Variants in NCAPD3 observed in about 807,000 individuals in gnomAD.
NCAPD3 encodes condensin-2 complex subunit D3.
A neutral mutation model predicts 182.9 loss-of-function variants in NCAPD3; 105 were observed. That is an observed-to-expected ratio of 0.57 (90% CI 0.49 to 0.68). The LOEUF (loss-of-function observed/expected upper bound fraction) is 0.68. Ranked by LOEUF, NCAPD3 falls within the 30% of genes least tolerant of loss-of-function variation. The probability of loss-of-function intolerance (pLI) is 0.00; values close to 1 mark genes in which losing one functional copy is unlikely to be tolerated. For synonymous variants in NCAPD3, 815 were observed against 679.9 expected, an observed-to-expected ratio of 1.20 and a Z score of -3.09; for missense variants, 1,944 against 1,837.0, an observed-to-expected ratio of 1.06 and a Z score of -1.07.
intron 23 of NCAPD3, among the ~76,000 whole-genome samples, chr11:134,176,716 C>T (rs1382950744): frequency 6.6e-6 from 1 of 152,196 alleles, no homozygotes; most frequent in Non-Finnish European, 1.5e-5. Flanking sequence ...GTGTTCTCCC[C>T]ATTATAGGCC....
At chr11:134,174,924 A>C (rs1183960709) in intron 24 of NCAPD3, among the ~76,000 whole-genome samples, 1 of 152,262 alleles carries the variant, frequency 6.6e-6, no homozygotes, top group African/African-American at 2.4e-5. Context: ...AATTACAGTT[A>C]GCAAATGTAG....
chr11:134,168,922 T>C lies in NCAPD3; in HGVS notation c.3234A>G (p.Ser1078=), dbSNP rs144599754. 6.4e-5 allele frequency: 103 copies of C among 1,612,978 alleles called. No individual in the cohort carries two copies. The highest frequency in any genetic ancestry group is 8.6e-5 in the Non-Finnish European group (101 of 1,179,450). ...GACTTAGCTGCTTCACTGACCTCTC[T>C]GACTGGGGGAACTTGTTGTACTTCT... ...KHEKYNKFPQ[S]EREKRLFSLK... is the part of the protein sequence containing the mutation. The change falls in exon 25 of 35, where the codon TCA becomes TCG. Residue 1078 remains serine, a synonymous_variant. Coordinates refer to ENST00000534548, the MANE Select transcript of NCAPD3 (RefSeq NM_015261.3).
At chr11:134,166,153 T>C (rs1443986675) in intron 27 of NCAPD3, among the ~76,000 whole-genome samples, 3 of 2,000 alleles carry the variant, frequency 1.5e-3, no homozygotes, top group Non-Finnish European at 1.3e-3. Context: ...ACTAGTGAGA[T>C]GAGCTTGGGG....
chr11:134,159,183 C>T (rs943263328), intron 29 of NCAPD3, among the ~76,000 whole-genome samples: 9 of 152,208 alleles, frequency 5.9e-5, no homozygotes, highest in African/African-American at 1.4e-4. Flanking sequence ...CAGTCAGCAG[C>T]GAGGCTGCTG....
In NCAPD3 at chr11:134,204,101, C is replaced by A; in HGVS notation, c.1160G>T (p.Cys387Phe). The A allele has an allele frequency of 6.2e-7, 1 of 1,614,102 alleles. No homozygotes were observed. Among genetic ancestry groups the A allele is most frequent in the Non-Finnish European group, 8.5e-7 (1 of 1,180,014 alleles). ...GGCAATGAACATAGCGTATTCCCCA[C>A]AAGGAAGTTTACTGAGCAGCTGGAC... The part of the protein sequence containing the change: ...SLVQLLSKLP[C>F]GEYAMFIAWL... Residue 387 changes from cysteine (C) to phenylalanine (F), a missense_variant, in exon 10 of 35, where the codon TGT becomes TTT. By Grantham distance (205) the Cys-to-Phe change is radical (BLOSUM62 -2). Coordinates refer to ENST00000534548, the MANE Select transcript of NCAPD3 (RefSeq NM_015261.3). The surrounding 1 kb of genome is among the most constrained non-coding windows in gnomAD (Gnocchi z 4.3).
intron 31 of NCAPD3, 35 bp from the exon 32 acceptor site, chr11:134,157,130 C>A (rs1943443782): frequency 6.5e-7 from 1 of 1,535,226 alleles, no homozygotes; most frequent in Admixed American, 1.8e-5. Flanking sequence ...CCAGAAATAC[C>A]CCCAAACAAT....
rs1289567537 is a variant in NCAPD3 at position 134,168,957 on chromosome 11, C to T, written c.3199G>A (p.Glu1067Lys). 6.2e-7 allele frequency: 1 copy of T among 1,613,970 alleles called. No homozygotes were observed. Among genetic ancestry groups the T allele is most frequent in the Non-Finnish European group, 8.5e-7 (1 of 1,179,936 alleles). Reference sequence around the variant, plus strand: ...AACTTGTTGTACTTCTCATGCTTCTCATAGTTATTAAAGTGAAAAATACAT... The same window carrying T: ...AACTTGTTGTACTTCTCATGCTTCTTATAGTTATTAAAGTGAAAAATACAT... ...IECIFHFNNY[E>K]KHEKYNKFPQ... Residue 1067 changes from glutamate to lysine, a missense_variant, in exon 25 of 35, where the codon GAG becomes AAG. By Grantham distance (56) the Glu-to-Lys change is moderately conservative. Around this residue, in one of 3 missense-constraint regions of NCAPD3, gnomAD observed 1,803 missense variants for 1,674.6 expected, o/e 1.08. Transcript: ENST00000534548.
intron 30 of NCAPD3, 81 bp downstream of exon 30, chr11:134,158,248 C>G: frequency 1.3e-6 from 2 of 1,568,454 alleles, no homozygotes. Context: ...CTTTCCTGCC[C>G]ACGCTTGGGA....
intron 16 of NCAPD3, among the ~76,000 whole-genome samples, chr11:134,186,912 C>T (rs537891360): frequency 6.6e-6 from 1 of 152,174 alleles, no homozygotes; most frequent in African/African-American, 2.4e-5. Flanking sequence ...GATTTATGTC[C>T]AAATACCACA....
rs954981709 is a variant in NCAPD3, at chr11:134,181,957, C to T, written c.2452-773G>A. ...ACCTGTGTTAACCATCATCCAGTGC[C>T]TGGCAAGCCACCACTATGAGCAATG... On this transcript the variant is annotated intron_variant, in intron 19 of 34. Transcript: ENST00000534548. Among the ~76,000 whole-genome samples the T allele has an allele frequency of 2.0e-5, 3 of 152,198 alleles. No homozygotes were observed. In the East Asian group the frequency reaches 5.8e-4, roughly 29 times the overall value.
intron 3 of NCAPD3, among the ~76,000 whole-genome samples, chr11:134,215,453 A>C (rs1234669255): frequency 6.6e-6 from 1 of 152,258 alleles, no homozygotes; most frequent in African/African-American, 2.4e-5. Flanking sequence ...GAGTTTGGCA[A>C]GGTTCTAGGA....
In NCAPD3 at chr11:134,153,318, C is replaced by T. The variant is rs758448635; in HGVS notation, c.4298G>A (p.Gly1433Glu). 5.2e-5 allele frequency: 84 copies of T among 1,614,048 alleles called. No homozygotes were observed. Among genetic ancestry groups the T allele is most frequent in the Non-Finnish European group, 6.9e-5 (82 of 1,180,024 alleles). Residue 1433 changes from glycine to glutamate, a missense_variant, in exon 33 of 35, where the codon GGG becomes GAG. By Grantham distance (98) the Gly-to-Glu change is moderately conservative. Transcript: ENST00000534548. ...VTFGAGVSYI[G>E]TPRTPSSAKE... ...GGCTGACGACGGAGTCCGTGGTGTC[C>T]CGATGTAACTGACCCCTGCTCCAAA...
At chr11:134,160,412 G>A (rs138213932) in intron 28 of NCAPD3, among the ~76,000 whole-genome samples, 1 of 152,186 alleles carries the variant, frequency 6.6e-6, no homozygotes, top group East Asian at 1.9e-4. Flanking sequence ...CTGGCTATGT[G>A]GCAGTTAATG....
chr11:134,191,514 T>C (rs1302762475), intron 16 of NCAPD3, among the ~76,000 whole-genome samples: 3 of 152,186 alleles, frequency 2.0e-5, no homozygotes, highest in African/African-American at 7.2e-5. Flanking sequence ...AAAGTTTTTA[T>C]AAAGAAAAAT....
chr11:134,175,081 A>G (rs1361478106), intron 24 of NCAPD3, among the ~76,000 whole-genome samples: 1 of 152,240 alleles, frequency 6.6e-6, no homozygotes, highest in East Asian at 1.9e-4. Context: ...ACGGTAAAGT[A>G]TATCTATGCT....
At position 134,160,473 on chromosome 11, in the gene NCAPD3, C is replaced by T. The variant is rs1359910190; in HGVS notation, c.3685-399G>A. On this transcript the variant is annotated intron_variant, in intron 28 of 34. Coordinates refer to ENST00000534548, the MANE Select transcript of NCAPD3 (RefSeq NM_015261.3). Reference sequence around the variant, plus strand: ...GGAGAAAGACATGCTCAGACACAGCCTCTGGAGCAAGTCCCAGGATGCATG... The same window carrying T: ...GGAGAAAGACATGCTCAGACACAGCTTCTGGAGCAAGTCCCAGGATGCATG... 3.3e-5 allele frequency among the ~76,000 whole-genome samples: 5 copies of T among 152,268 alleles called. No individual in the cohort carries two copies. In the East Asian group the frequency reaches 9.7e-4, roughly 30 times the overall value.
At chr11:134,179,928 T>C (rs1944257847) in intron 20 of NCAPD3, among the ~76,000 whole-genome samples, 1 of 151,698 alleles carries the variant, frequency 6.6e-6, no homozygotes, top group African/African-American at 2.4e-5. Context: ...AAGTTCTATT[T>C]AAAGAAGCAA....
At chr11:134,185,592 G>A (rs1006189311) in intron 16 of NCAPD3, 66 bp from the exon 17 acceptor site, 2 of 1,335,842 alleles carry the variant, frequency 1.5e-6, no homozygotes, top group Non-Finnish European at 2.0e-6. Context: ...TCAGATGGGA[G>A]CCTCACTGAA....
intron 2 of NCAPD3, among the ~76,000 whole-genome samples, chr11:134,218,855 A>G (rs573667191): frequency 2.6e-5 from 4 of 152,308 alleles, no homozygotes; most frequent in African/African-American, 9.6e-5. Context: ...CTCCCTGCAC[A>G]CAATTTTTCC....
Sources: allele counts gnomAD v4.1 joint callset (sites outside exome capture counted in the v4.1 genomes callset), GRCh38; gene constraint gnomAD v4.1.1; regional missense constraint gnomAD v4.1.1; non-coding constraint Gnocchi (gnomAD v3.1); transcripts MANE v1.5; gene names NCBI Gene and HGNC (gene_info 2026-07-23, HGNC 2026-07-21).